The following DYNC1I1 variants were observed in gnomAD, a reference collection of about 807,000 sequenced individuals.
The protein encoded by DYNC1I1 is cytoplasmic dynein 1 intermediate chain 1.
Under a neutral mutation model 86.6 loss-of-function variants are expected in DYNC1I1, and 43 were observed. That is an observed-to-expected ratio of 0.50 (90% CI 0.39 to 0.64). DYNC1I1 has a LOEUF of 0.64. Ranked by LOEUF, DYNC1I1 falls within the 30% of genes least tolerant of loss-of-function variation. The pLI, the probability that DYNC1I1 is intolerant of heterozygous loss-of-function variation, is 0.00. For synonymous variants in DYNC1I1, 262 were observed against 283.7 expected, an observed-to-expected ratio of 0.92 and a Z score of 0.77; for missense variants, 604 against 788.8, an observed-to-expected ratio of 0.77 and a Z score of 2.81.
At chr7:95,831,328 C>A (rs545637973) in intron 5 of DYNC1I1, among the ~76,000 whole-genome samples, 67 of 152,140 alleles carry the variant, frequency 4.4e-4, no homozygotes, top group African/African-American at 1.6e-3. Flanking sequence ...ACACAATTCA[C>A]CTATGAAATC....
downstream of DYNC1I1, among the ~76,000 whole-genome samples, chr7:96,101,843 A>G (rs1584322319): frequency 6.6e-6 from 1 of 152,264 alleles, no homozygotes; most frequent in East Asian, 1.9e-4. Flanking sequence ...CAAGATAGCA[A>G]ATACAAAATA....
At chr7:95,955,559 C>G (rs535056632) in intron 6 of DYNC1I1, among the ~76,000 whole-genome samples, 1 of 152,040 alleles carries the variant, frequency 6.6e-6, no homozygotes, top group African/African-American at 2.4e-5. Context: ...CTCCTGGCCT[C>G]GAGCAATCCT....
chr7:95,833,784 T>C (rs62469583), intron 5 of DYNC1I1, among the ~76,000 whole-genome samples: 45,902 of 123,500 alleles, frequency 0.37, 8,544 homozygotes, highest in East Asian at 0.49. Context: ...CTGTTGTTGG[T>C]GTATAAGAAT....
intron 5 of DYNC1I1, among the ~76,000 whole-genome samples, chr7:95,851,714 G>A (rs758691556): frequency 7.9e-5 from 12 of 152,164 alleles, no homozygotes; most frequent in Non-Finnish European, 1.5e-4. Flanking sequence ...GCCCAGGCTG[G>A]TGTGCAATGT....
chr7:96,084,575 A>G (rs1790623865), intron 16 of DYNC1I1, among the ~76,000 whole-genome samples: 2 of 151,308 alleles, frequency 1.3e-5, no homozygotes, highest in Admixed American at 1.3e-4. Context: ...GGCGCATGCC[A>G]CAACACCCAG....
At chr7:95,867,069 A>G (rs988543147) in intron 5 of DYNC1I1, among the ~76,000 whole-genome samples, 2 of 152,178 alleles carry the variant, frequency 1.3e-5, no homozygotes, top group African/African-American at 4.8e-5. Context: ...AGGAAAAGCA[A>G]ATGAACTCTC....
At chr7:95,818,574 A>T in intron 4 of DYNC1I1, 1 of 643,204 alleles carries the variant, frequency 1.6e-6, no homozygotes, top group Admixed American at 2.2e-5. Context: ...TCTTCATCCC[A>T]AAGTGGTGGG....
intron 7 of DYNC1I1, among the ~76,000 whole-genome samples, chr7:95,977,821 A>G (rs1584219105): frequency 2.0e-5 from 3 of 152,216 alleles, no homozygotes; most frequent in African/African-American, 7.2e-5. Flanking sequence ...AAAGTGCAAA[A>G]CGTCCACAAT....
At chr7:95,818,481 T>A (rs1225714895) in intron 4 of DYNC1I1, 37 of 657,382 alleles carry the variant, frequency 5.6e-5, no homozygotes, top group Middle Eastern at 5.0e-4. Flanking sequence ...TAATTTTTTT[T>A]TTTTTTTTTT....
At chr7:95,900,008 G>T (rs1201386771) in intron 6 of DYNC1I1, among the ~76,000 whole-genome samples, 3 of 152,094 alleles carry the variant, frequency 2.0e-5, no homozygotes. Flanking sequence ...ATGCAAGGAG[G>T]TATCTGTTCC....
chr7:96,045,833 G>A (rs965678002), intron 14 of DYNC1I1, among the ~76,000 whole-genome samples: 12 of 152,056 alleles, frequency 7.9e-5, no homozygotes, highest in Non-Finnish European at 1.8e-4. Flanking sequence ...GATTTGTTCC[G>A]GTGAAATAAG....
At chr7:95,915,670 A>G (rs888932944) in intron 6 of DYNC1I1, among the ~76,000 whole-genome samples, 1 of 152,218 alleles carries the variant, frequency 6.6e-6, no homozygotes, top group African/African-American at 2.4e-5. Flanking sequence ...ATTGCTGTCA[A>G]ATAAAAGTCA....
chr7:96,019,387 T>A (rs112934700), intron 10 of DYNC1I1, among the ~76,000 whole-genome samples: 30 of 152,198 alleles, frequency 2.0e-4, no homozygotes, highest in African/African-American at 6.7e-4. Context: ...CTTTTTTTTT[T>A]TTATTCAGAT....
intron 14 of DYNC1I1, among the ~76,000 whole-genome samples, chr7:96,045,080 G>A (rs1789169610): frequency 1.3e-5 from 2 of 152,162 alleles, no homozygotes; most frequent in African/African-American, 4.8e-5. Context: ...GATGTTATAG[G>A]CTAAGGATGC....
chr7:96,069,984 C>T (rs1466798853), intron 14 of DYNC1I1, among the ~76,000 whole-genome samples: 1 of 152,104 alleles, frequency 6.6e-6, no homozygotes, highest in Non-Finnish European at 1.5e-5. Flanking sequence ...ACACAAAAAA[C>T]AAATAGACCA....
At chr7:96,034,785 A>G (rs546579226) in intron 12 of DYNC1I1, among the ~76,000 whole-genome samples, 11 of 152,182 alleles carry the variant, frequency 7.2e-5, no homozygotes, top group Non-Finnish European at 1.3e-4. Flanking sequence ...TCCTTGGCTG[A>G]AATAGTTTAT....
At chr7:95,927,153 C>T (rs114507709) in intron 6 of DYNC1I1, among the ~76,000 whole-genome samples, 1,618 of 152,148 alleles carry the variant, frequency 0.011, 12 homozygotes, top group African/African-American at 0.024. Context: ...AAAAAGTGTT[C>T]ATTTTTAAAA....
chr7:95,927,796 G>A (rs2116398851), intron 6 of DYNC1I1, among the ~76,000 whole-genome samples: 1 of 152,306 alleles, frequency 6.6e-6, no homozygotes, highest in South Asian at 2.1e-4. Context: ...AGAGGCAACA[G>A]AGGATAGCTG....
At chr7:95,929,621 T>C (rs1429249628) in intron 6 of DYNC1I1, among the ~76,000 whole-genome samples, 1 of 152,168 alleles carries the variant, frequency 6.6e-6, no homozygotes, top group African/African-American at 2.4e-5. Context: ...GAACATACCA[T>C]GAAACCAGTC....
Sources: allele counts gnomAD v4.1 joint callset (sites outside exome capture counted in the v4.1 genomes callset), GRCh38; gene constraint gnomAD v4.1.1; transcripts MANE v1.5; gene names NCBI Gene and HGNC (gene_info 2026-07-23, HGNC 2026-07-21).